The following CSGALNACT1 variants were observed in gnomAD, a reference collection of about 807,000 sequenced individuals.
CSGALNACT1 encodes the protein chondroitin sulfate N-acetylgalactosaminyltransferase 1.
CSGALNACT1 carries 52 observed loss-of-function variants against 51.0 expected under a neutral mutation model. That is an observed-to-expected ratio of 1.02 (90% CI 0.82 to 1.29). The LOEUF (loss-of-function observed/expected upper bound fraction) is 1.29. CSGALNACT1 is among the 50% of genes most tolerant of loss of function. CSGALNACT1 has a pLI of 0.00. For missense variants in CSGALNACT1, 935 were observed against 679.2 expected, an observed-to-expected ratio of 1.38 and a Z score of -4.19; for synonymous variants, 341 against 254.4, an observed-to-expected ratio of 1.34 and a Z score of -3.24.
intron 3 of CSGALNACT1, among the ~76,000 whole-genome samples, chr8:19,525,648 A>AAAAAAAAAAC (rs2081527941): frequency 7.1e-6 from 1 of 141,702 alleles, no homozygotes; most frequent in Non-Finnish European, 1.5e-5. Context: ...AAAAAAAAAA[A>AAAAAAAAAAC]AGTAGAGCCC....
At chr8:19,499,085 A>G (rs1412524422) in intron 4 of CSGALNACT1, among the ~76,000 whole-genome samples, 2 of 152,250 alleles carry the variant, frequency 1.3e-5, no homozygotes, top group Non-Finnish European at 2.9e-5. Flanking sequence ...ACTGCACTCC[A>G]GCCTGAGCAA....
intron 4 of CSGALNACT1, among the ~76,000 whole-genome samples, chr8:19,490,934 C>A (rs574518625): frequency 6.6e-6 from 1 of 152,290 alleles, no homozygotes; most frequent in Admixed American, 6.5e-5. Context: ...TTACCCTATT[C>A]TGTCACGTTT....
upstream of CSGALNACT1, among the ~76,000 whole-genome samples, chr8:19,603,448 C>T (rs148068710): frequency 1.6e-3 from 239 of 152,334 alleles, no homozygotes; most frequent in African/African-American, 5.4e-3. Flanking sequence ...GGTGCCTGCG[C>T]GGCTCCCACC....
chr8:19,552,885 A>G (rs1334722760), intron 3 of CSGALNACT1, among the ~76,000 whole-genome samples: 4 of 152,174 alleles, frequency 2.6e-5, no homozygotes, highest in South Asian at 4.1e-4. Context: ...TCAAAAACGT[A>G]CTAAGAACAG....
intron 4 of CSGALNACT1, among the ~76,000 whole-genome samples, chr8:19,491,473 C>T (rs2074344552): frequency 6.6e-6 from 1 of 152,166 alleles, no homozygotes; most frequent in South Asian, 2.1e-4. Flanking sequence ...GCTCTTAATA[C>T]TAAATATAAA....
intron 3 of CSGALNACT1, among the ~76,000 whole-genome samples, chr8:19,533,309 A>G (rs2083141883): frequency 6.6e-6 from 1 of 151,922 alleles, no homozygotes. Context: ...TTTTATAGAG[A>G]TGGGGTCTTG....
At chr8:19,615,132 C>T (rs562509119) in intron 1 of CSGALNACT1, among the ~76,000 whole-genome samples, 4 of 152,120 alleles carry the variant, frequency 2.6e-5, no homozygotes, top group Non-Finnish European at 5.9e-5. Flanking sequence ...GGTGAAACCC[C>T]ATCCCTCCTA....
Position 19,435,852 on chromosome 8 carries a change from AG to A in CSGALNACT1, c.953+3977del, listed in dbSNP as rs2060289029. ...AACATTTTGACCATGATCCTTATAA[AG>A]GAATATATTACGCATCCTTATGCAG... On this transcript the variant is annotated intron_variant, in intron 6 of 9. Transcript: ENST00000454498. 1.3e-5 allele frequency among the ~76,000 whole-genome samples: 2 copies of A among 152,204 alleles called. 1 individual carries two copies. Among genetic ancestry groups the A allele is most frequent in the Non-Finnish European group, 2.9e-5 (2 of 68,030 alleles).
At chr8:19,561,709 T>G (rs1158582944) in intron 3 of CSGALNACT1, among the ~76,000 whole-genome samples, 2 of 152,216 alleles carry the variant, frequency 1.3e-5, no homozygotes, top group African/African-American at 4.8e-5. Flanking sequence ...CCCTCTGACC[T>G]TGTTACTAGA....
At position 19,757,407 on chromosome 8, in the gene CSGALNACT1, G is replaced by C. The variant is rs1380057014; in HGVS notation, c.-297+443C>G. On this transcript the variant is annotated intron_variant, in intron 1 of 1. Transcript: ENST00000517494. This position sits in a 1 kb window ranked among gnomAD's most constrained non-coding sequence, Gnocchi z 4.0. ...CGCCCCGCCGCAGGGTAGGTCCGGC[G>C]GGGGCGGCCAAGGCCGGGCTGGGGT... The C allele has an allele frequency of 6.6e-6, 1 of 152,362 alleles. No homozygotes were observed. Among genetic ancestry groups the C allele is most frequent in the African/African-American group, 2.4e-5 (1 of 41,344 alleles). The allele number at this position is 152,362 out of a possible 1,614,324, so 9.4% of individuals were successfully genotyped here. A position where few individuals can be genotyped will look rare whatever the true frequency, so the allele number is the denominator to read the frequency against.
intron 5 of CSGALNACT1, among the ~76,000 whole-genome samples, chr8:19,457,988 G>A (rs564814962): frequency 6.6e-6 from 1 of 152,296 alleles, no homozygotes; most frequent in East Asian, 1.9e-4. Context: ...GGTGAAGGCA[G>A]CCTAGAGCCA....
At chr8:19,454,163 C>A (rs1162423191) in intron 5 of CSGALNACT1, among the ~76,000 whole-genome samples, 1 of 152,174 alleles carries the variant, frequency 6.6e-6, no homozygotes, top group Non-Finnish European at 1.5e-5. Flanking sequence ...AGCTGACTGT[C>A]CACGATGACA....
At chr8:19,647,086 T>C (rs2057346889) in intron 1 of CSGALNACT1, among the ~76,000 whole-genome samples, 1 of 151,914 alleles carries the variant, frequency 6.6e-6, no homozygotes, top group African/African-American at 2.4e-5. Context: ...AAGTGCAGCA[T>C]CACAGGCCAC....
chr8:19,513,564 G>C (rs1165341221), intron 3 of CSGALNACT1, among the ~76,000 whole-genome samples: 2 of 151,350 alleles, frequency 1.3e-5, no homozygotes, highest in Admixed American at 6.6e-5. Context: ...CACTTAATTA[G>C]TTTAGGGCTG....
At chr8:19,483,223 G>A (rs1245575144) in intron 4 of CSGALNACT1, among the ~76,000 whole-genome samples, 1 of 152,290 alleles carries the variant, frequency 6.6e-6, no homozygotes, top group East Asian at 1.9e-4. Flanking sequence ...TCTCAACAGA[G>A]CAGACAAAGC....
chr8:19,559,342 T>TTG, intron 3 of CSGALNACT1, among the ~76,000 whole-genome samples: 1 of 152,302 alleles, frequency 6.6e-6, no homozygotes, highest in African/African-American at 2.4e-5. Context: ...TCCCATTAGA[T>TTG]TATCTACCAT....
At chr8:19,587,111 G>T (rs1426079581) in intron 3 of CSGALNACT1, among the ~76,000 whole-genome samples, 1 of 152,166 alleles carries the variant, frequency 6.6e-6, no homozygotes, top group Admixed American at 6.5e-5. Flanking sequence ...CACAGTCAGG[G>T]CTGCAGGACC....
chr8:19,603,135 G>A (rs1197041685), upstream of CSGALNACT1, among the ~76,000 whole-genome samples: 12 of 133,692 alleles, frequency 9.0e-5, no homozygotes, highest in East Asian at 1.9e-3. Context: ...AAAAAAAGTA[G>A]AAAGAAAGAA....
At chr8:19,547,464 T>G (rs967324163) in intron 3 of CSGALNACT1, among the ~76,000 whole-genome samples, 2 of 152,020 alleles carry the variant, frequency 1.3e-5, no homozygotes, top group Non-Finnish European at 1.5e-5. Flanking sequence ...CATACTGTTC[T>G]CATGGTAATG....
Sources: gnomAD v4.1 joint callset for allele counts (sites outside exome capture counted in the v4.1 genomes callset) on GRCh38, gnomAD v4.1.1 for gene constraint, Gnocchi (gnomAD v3.1) non-coding constraint, MANE v1.5 for transcripts, NCBI Gene and HGNC (gene_info 2026-07-23, HGNC 2026-07-21) for gene names.